ADAMTSL1: variants seen among roughly 807,000 people sequenced by gnomAD.
The protein encoded by ADAMTSL1 is ADAMTS-like protein 1.
A neutral mutation model predicts 201.8 loss-of-function variants in ADAMTSL1; 126 were observed. The observed-to-expected ratio is 0.62, with a 90% CI of 0.54 to 0.72. The LOEUF is 0.72. ADAMTSL1 is among the 30% of genes least tolerant of loss of function. The pLI is 0.00. For synonymous variants in ADAMTSL1, 1,121 were observed against 903.4 expected, an observed-to-expected ratio of 1.24 and a Z score of -4.32; for missense variants, 2,679 against 2,277.8, an observed-to-expected ratio of 1.18 and a Z score of -3.59.
intron 2 of ADAMTSL1, among the ~76,000 whole-genome samples, chr9:18,298,910 G>A (rs2132718119): frequency 6.6e-6 from 1 of 151,978 alleles, no homozygotes; most frequent in East Asian, 1.9e-4. Flanking sequence ...ACTAGGAGAG[G>A]CTGAGGCAGG....
At position 18,777,075 on chromosome 9, in the gene ADAMTSL1, C is replaced by T. The variant is rs769726074; in HGVS notation, c.2846C>T (p.Ala949Val). The T allele has an allele frequency of 2.2e-5, 36 of 1,613,170 alleles. No individual in the cohort carries two copies. The highest frequency in any genetic ancestry group is 2.7e-5 in the African/African-American group (2 of 74,930). ...PSDAGVYTCS[A>V]GPAREHFVIK... Reference sequence around the variant, plus strand: ...GATGCAGGCGTCTACACCTGCTCAGCGGGCCCGGCCCGGGAGCACTTTGTG... The same window carrying T: ...GATGCAGGCGTCTACACCTGCTCAGTGGGCCCGGCCCGGGAGCACTTTGTG... Residue 949 changes from alanine (A) to valine (V), a missense_variant, in exon 19 of 29, where the codon GCG becomes GTG. Physicochemically the swap from Ala to Val is moderately conservative, Grantham distance 64. Transcript: ENST00000380548.
intron 20 of ADAMTSL1, among the ~76,000 whole-genome samples, chr9:18,816,277 C>G (rs1823842781): frequency 6.6e-6 from 1 of 152,160 alleles, no homozygotes; most frequent in Non-Finnish European, 1.5e-5. Context: ...GAGACAGAGT[C>G]TCACCCTGGA....
At position 18,650,380 on chromosome 9, in the gene ADAMTSL1, C is replaced by A. The variant is rs547159222; in HGVS notation, c.835-7259C>A. ...ATGCCTCGCCCTGCTTCGGCTCGTG[C>A]ACAGCGCGCTGCACCCACTGACCTG... On this transcript the variant is annotated intron_variant, in intron 7 of 28. Coordinates refer to ENST00000380548, the MANE Select transcript of ADAMTSL1 (RefSeq NM_001040272.6). Among the ~76,000 whole-genome samples the A allele has an allele frequency of 3.9e-5, 6 of 152,288 alleles. No homozygotes were observed. In the East Asian group the frequency reaches 1.2e-3, roughly 30 times the overall value.
rs778387560 is a variant in ADAMTSL1, at chr9:18,753,445, C to T, written c.2154C>T (p.Ser718=). The part of the protein sequence containing the change: ...ADELCRQPKP[S]TVQACNRFNC... The stretch of plus-strand genomic sequence containing the variant: ...AGCTGTGTCGCCAGCCCAAGCCCAG[C>T]ACGGTGCAAGCTTGTAACCGCTTTA... The change falls in exon 16 of 29, where the codon AGC becomes AGT. Residue 718 remains serine (S), a synonymous_variant. Transcript: ENST00000380548. The T allele has an allele frequency of 8.7e-6, 14 of 1,613,454 alleles. No individual in the cohort carries two copies. The highest frequency in any genetic ancestry group is 1.1e-5 in the Non-Finnish European group (13 of 1,179,812).
rs1234063628 is a variant in ADAMTSL1, at chr9:18,161,747, T to G, written c.88-2115T>G. ...TGGTCAAGACAGGCTTTGGAGTATATTTAACTGTGGACTGAAGGAATTATT... is the reference window on the plus strand; with the variant it reads ...TGGTCAAGACAGGCTTTGGAGTATAGTTAACTGTGGACTGAAGGAATTATT... On this transcript the variant is annotated intron_variant, in intron 1 of 29. Transcript: ENST00000680146. Among the ~76,000 whole-genome samples the G allele has an allele frequency of 2.0e-5, 3 of 152,140 alleles. 1 individual carries two copies. The highest frequency in any genetic ancestry group is 1.5e-5 in the Non-Finnish European group (1 of 67,980).
At chr9:18,662,979 T>G (rs1173749644) in intron 9 of ADAMTSL1, among the ~76,000 whole-genome samples, 2 of 152,174 alleles carry the variant, frequency 1.3e-5, no homozygotes, top group Non-Finnish European at 2.9e-5. Context: ...CCTTGGATTT[T>G]TGAGAAACAT....
chr9:18,393,595 T>C (rs1423939120), intron 2 of ADAMTSL1, among the ~76,000 whole-genome samples: 2 of 152,224 alleles, frequency 1.3e-5, no homozygotes, highest in African/African-American at 4.8e-5. Flanking sequence ...GCTCCCAACA[T>C]CCATTTCACC....
intron 3 of ADAMTSL1, among the ~76,000 whole-genome samples, chr9:18,573,811 A>G (rs1462651344): frequency 2.0e-5 from 3 of 152,200 alleles, no homozygotes; most frequent in Non-Finnish European, 4.4e-5. Context: ...TTTAAACTCA[A>G]TCAGAAAATG....
At chr9:18,281,459 T>C (rs1261911794) in intron 2 of ADAMTSL1, among the ~76,000 whole-genome samples, 1 of 152,070 alleles carries the variant, frequency 6.6e-6, no homozygotes. Context: ...CGATGAGAGG[T>C]CTCATGAAGC....
chr9:18,269,680 A>G (rs895450520), intron 2 of ADAMTSL1, among the ~76,000 whole-genome samples: 2 of 152,120 alleles, frequency 1.3e-5, no homozygotes, highest in Non-Finnish European at 2.9e-5. Flanking sequence ...GTGGTGAACC[A>G]TAAAAGGCCA....
chr9:18,417,815 C>T (rs147501311), intron 2 of ADAMTSL1, among the ~76,000 whole-genome samples: 3 of 152,300 alleles, frequency 2.0e-5, no homozygotes, highest in South Asian at 2.1e-4. Flanking sequence ...AATAACACCA[C>T]GTCTACCCAA....
intron 1 of ADAMTSL1, among the ~76,000 whole-genome samples, chr9:18,014,972 G>A (rs1038648315): frequency 6.6e-6 from 1 of 152,076 alleles, no homozygotes; most frequent in Non-Finnish European, 1.5e-5. Context: ...CTCGGCTGTA[G>A]ACATCAGGAA....
At chr9:18,099,355 A>ATATATATATATATATTTTTTT (rs1239180390) in intron 1 of ADAMTSL1, among the ~76,000 whole-genome samples, 1 of 45,562 alleles carries the variant, frequency 2.2e-5, no homozygotes, top group African/African-American at 8.1e-5. Context: ...ATATATATAT[A>ATATATATATATATATTTTTTT]TTTTTTTTTT....
In ADAMTSL1 at chr9:18,288,291, A is replaced by G. The variant is rs532215684; in HGVS notation, c.207+124310A>G. Among the ~76,000 whole-genome samples, 8 of 152,290 alleles carry G rather than the reference A, an allele frequency of 5.3e-5. No individual in the cohort carries two copies. In the East Asian group the frequency reaches 9.7e-4, roughly 18 times the overall value. ...TCTCCGGCAGTCAAAGCAGTTATCA[A>G]GAAAGAACCAAGTTGGGCGCACCAT... is the stretch of plus-strand genomic sequence containing the variant. On this transcript the variant is annotated intron_variant, in intron 2 of 29. Transcript: ENST00000680146.
intron 2 of ADAMTSL1, among the ~76,000 whole-genome samples, chr9:18,425,038 T>C (rs2133377075): frequency 6.6e-6 from 1 of 152,274 alleles, no homozygotes; most frequent in Non-Finnish European, 1.5e-5. Flanking sequence ...TCGTACAATG[T>C]TTACAAACAC....
At chr9:18,890,526 CT>C (rs1829183388) in intron 25 of ADAMTSL1, 1 of 456,042 alleles carries the variant, frequency 2.2e-6, no homozygotes. Flanking sequence ...TCATACAATA[CT>C]TAGGCAACTG....
intron 2 of ADAMTSL1, among the ~76,000 whole-genome samples, chr9:18,288,898 AG>A (rs1290042286): frequency 2.6e-5 from 4 of 152,232 alleles, no homozygotes; most frequent in African/African-American, 9.6e-5. Context: ...ACAGTGTTTA[AG>A]GAACTGAATT....
chr9:18,052,623 A>G (rs1160563630), intron 1 of ADAMTSL1, among the ~76,000 whole-genome samples: 1 of 152,192 alleles, frequency 6.6e-6, no homozygotes, highest in Non-Finnish European at 1.5e-5. Flanking sequence ...GGCCAATAGT[A>G]CCCCCTAACA....
At chr9:18,228,131 T>G (rs1337432939) in intron 2 of ADAMTSL1, among the ~76,000 whole-genome samples, 1 of 152,150 alleles carries the variant, frequency 6.6e-6, no homozygotes, top group Non-Finnish European at 1.5e-5. Flanking sequence ...ATTTACGAAG[T>G]CATTGGAGGA....
Sources: allele counts gnomAD v4.1 joint callset (sites outside exome capture counted in the v4.1 genomes callset), GRCh38; gene constraint gnomAD v4.1.1; transcripts MANE v1.5; gene names NCBI Gene and HGNC (gene_info 2026-07-23, HGNC 2026-07-21).